INTS1: variants seen among roughly 807,000 people sequenced by gnomAD.
INTS1 encodes integrator complex subunit 1.
INTS1 carries 137 observed loss-of-function variants against 241.6 expected under a neutral mutation model. The ratio of observed to expected loss-of-function variants is 0.57; its 90% CI spans 0.49 to 0.65. The LOEUF (loss-of-function observed/expected upper bound fraction) is 0.65, where lower values mean the gene tolerates loss of function less well. Among genes scored for constraint, INTS1 ranks in the 30% least tolerant of loss-of-function variants. The pLI is 0.00. For missense variants in INTS1, 3,073 were observed against 3,032.2 expected, an observed-to-expected ratio of 1.01 and a Z score of -0.32; for synonymous variants, 1,692 against 1,337.8, an observed-to-expected ratio of 1.26 and a Z score of -5.78.
In INTS1 at chr7:1,481,040, C is replaced by A; in HGVS notation, c.3851-107G>T. ...GGAGATGCCCCCACCGTCACCAGCA[C>A]TTCCCAAGGACTTCAGAAGCTGGGT... On this transcript the variant is annotated intron_variant, in intron 28 of 47. Transcript: ENST00000404767. This position sits in a 1 kb window ranked among gnomAD's most constrained non-coding sequence, Gnocchi z 6.8. 1 of 822,780 alleles carries A rather than the reference C, an allele frequency of 1.2e-6. No homozygotes were observed. Among genetic ancestry groups the A allele is most frequent in the East Asian group, 2.6e-5 (1 of 37,758 alleles). The allele number at this position is 822,780 out of a possible 1,614,324, so 51.0% of individuals were successfully genotyped here.
intron 24 of INTS1, among the ~76,000 whole-genome samples, chr7:1,484,586 C>T (rs1310359615): frequency 1.3e-5 from 2 of 151,990 alleles, no homozygotes; most frequent in East Asian, 1.9e-4. Context: ...TGGGAGTCAG[C>T]GCCACACATG....
rs1212247452 is a variant in INTS1 at position 1,497,706 on chromosome 7, G to A, written c.1426-392C>T. On this transcript the variant is annotated intron_variant, in intron 10 of 47. Transcript: ENST00000404767. The surrounding 1 kb of genome is among the most constrained non-coding windows in gnomAD (Gnocchi z 5.3). ...AAAGGATCTGAAAGGACGCACTCCT[G>A]TCTCAAAATGCCAGGCCGCGAAGAC... is the stretch of plus-strand genomic sequence containing the variant. 6.6e-6 allele frequency among the ~76,000 whole-genome samples: 1 copy of A among 152,206 alleles called. No individual in the cohort carries two copies. The highest frequency in any genetic ancestry group is 1.5e-5 in the Non-Finnish European group (1 of 68,022).
At chr7:1,482,458 C>G in intron 27 of INTS1, 88 bp downstream of exon 27, 1 of 1,364,652 alleles carries the variant, frequency 7.3e-7, no homozygotes, top group Non-Finnish European at 9.9e-7. Flanking sequence ...CTGCCACAGC[C>G]GGAGGCTGCC....
At chr7:1,502,132 G>A (rs907481281) in intron 3 of INTS1, among the ~76,000 whole-genome samples, 3 of 152,090 alleles carry the variant, frequency 2.0e-5, no homozygotes, top group African/African-American at 4.8e-5. Flanking sequence ...GAGGTGGCGC[G>A]GCTTGAACAG....
In INTS1 at chr7:1,471,578, A is replaced by C. The variant is rs201675191; in HGVS notation, c.6248T>G (p.Phe2083Cys). ...MSRRRPEILS[F>C]FSTNLQRLMS... The stretch of plus-strand genomic sequence containing the variant: ...CAGCCCCATCCAGCTCACCGAGAAG[A>C]AGCTCAGGATCTCGGGTCTCCGCCG... The change falls in exon 45 of 48, where the codon TTC becomes TGC. Residue 2083 changes from phenylalanine (F) to cysteine (C), a missense_variant. Physicochemically the swap from Phe to Cys is radical, Grantham distance 205. Transcript: ENST00000404767. 5.6e-4 allele frequency: 898 copies of C among 1,612,220 alleles called. 3 individuals carry two copies. The highest frequency in any genetic ancestry group is 3.8e-3 in the African/African-American group (288 of 75,036).
chr7:1,500,244 T>C lies in INTS1; in HGVS notation c.472A>G (p.Ser158Gly), dbSNP rs867319029. The C allele has an allele frequency of 7.5e-6, 12 of 1,605,338 alleles. No homozygotes were observed. Among genetic ancestry groups the C allele is most frequent in the African/African-American group, 5.3e-5 (4 of 74,778 alleles). The change falls in exon 4 of 48, where the codon AGC becomes GGC. Residue 158 changes from serine to glycine, a missense_variant. Transcript: ENST00000404767. ...QLKVTRAKPD[S>G]TLYLSLMYLA... ...TACATGAGGCTCAGGTAGAGGGTGCTGTCAGGCTTGGCGCGGGTGACCTTC... is the reference window on the plus strand; with the variant it reads ...TACATGAGGCTCAGGTAGAGGGTGCCGTCAGGCTTGGCGCGGGTGACCTTC...
At position 1,470,543 on chromosome 7, in the gene INTS1, G is replaced by T; in HGVS notation, c.*34C>A. 6.8e-7 allele frequency: 1 copy of T among 1,468,040 alleles called. No homozygotes were observed. Among genetic ancestry groups the T allele is most frequent in the Non-Finnish European group, 9.2e-7 (1 of 1,083,550 alleles). The allele number at this position is 1,468,040 out of a possible 1,614,324, so 90.9% of individuals were successfully genotyped here. ...TCGAGGATCCCCGGGGACGGGACGG[G>T]CCGGGGCTTGGAGGGGGGTCGGCTG... On this transcript the variant is annotated 3_prime_UTR_variant, in exon 48 of 48. Coordinates refer to ENST00000404767, the MANE Select transcript of INTS1 (RefSeq NM_001080453.3).
intron 18 of INTS1, 61 bp from the exon 19 acceptor site, chr7:1,488,018 C>A (rs1202889013): frequency 1.9e-6 from 3 of 1,562,868 alleles, no homozygotes; most frequent in Non-Finnish European, 1.8e-6. Flanking sequence ...TCCCAGTGGG[C>A]CACGCTCAGG....
Position 1,480,319 on chromosome 7 carries a change from G to A in INTS1, c.4072C>T (p.Gln1358Ter). The stretch of plus-strand genomic sequence containing the variant: ...CCCACATGCAGCAGCAACGCTACCT[G>A]GAGGAACATGCCAGCCAGGTCGTCC... ...PEDDLAGMFL[Q>*]IFPLSPDPRW... Residue 1358 changes from glutamine to a stop codon, truncating the protein, a stop_gained and splice_region_variant, in exon 30 of 48, where the codon CAG (glutamine) becomes TAG (stop). Coordinates refer to ENST00000404767, the MANE Select transcript of INTS1 (RefSeq NM_001080453.3). LOFTEE classifies it high-confidence loss of function. 4.4e-6 allele frequency: 7 copies of A among 1,606,864 alleles called. No homozygotes were observed. Among genetic ancestry groups the A allele is most frequent in the Non-Finnish European group, 5.9e-6 (7 of 1,176,948 alleles).
rs770264501 is a variant in INTS1 at position 1,476,372 on chromosome 7, C to A, written c.5235G>T (p.Thr1745=). The stretch of plus-strand genomic sequence containing the variant: ...CGGCTGTGTCCCCGTCCTGGCTCCG[C>A]GTCTCCGCCTCGGCCAGGATCAGCT... ...LVELILAEAE[T]RSQDGDTAAC... is the part of the protein sequence containing the mutation. Residue 1745 remains threonine, a synonymous_variant, in exon 38 of 48, where the codon ACG becomes ACT. Coordinates refer to ENST00000404767, the MANE Select transcript of INTS1 (RefSeq NM_001080453.3). 7.0e-6 allele frequency: 11 copies of A among 1,576,410 alleles called. No individual in the cohort carries two copies. The highest frequency in any genetic ancestry group is 8.6e-6 in the Non-Finnish European group (10 of 1,165,674).
chr7:1,470,313 C>A lies in INTS1; in HGVS notation c.*264G>T. On this transcript the variant is annotated 3_prime_UTR_variant, in exon 48 of 48. Coordinates refer to ENST00000404767, the MANE Select transcript of INTS1 (RefSeq NM_001080453.3). ...TCGTTTCATTCAAAACCAGCCCAGG[C>A]CATGCCCGGGGGGATCCGCCGCTCC... The A allele has an allele frequency of 2.2e-6, 1 of 458,256 alleles. No homozygotes were observed. The highest frequency in any genetic ancestry group is 3.9e-6 in the Non-Finnish European group (1 of 259,674). The allele number at this position is 458,256 out of a possible 1,614,324, so 28.4% of individuals were successfully genotyped here.
At chr7:1,487,256 G>A in intron 20 of INTS1, 64 bp downstream of exon 20, 2 of 1,538,564 alleles carry the variant, frequency 1.3e-6, no homozygotes, top group Non-Finnish European at 1.8e-6. Context: ...GGCCACCAAG[G>A]CCTCCGGAAG....
chr7:1,470,790 G>A lies in INTS1; in HGVS notation c.6457+56C>T, dbSNP rs534944777. Reference sequence around the variant, plus strand: ...TCCCAAGAGCCAGCCCTCGGGGGACGCACCTCCGGCCTCCCCGAGGGCTGC... The same window carrying A: ...TCCCAAGAGCCAGCCCTCGGGGGACACACCTCCGGCCTCCCCGAGGGCTGC... On this transcript the variant is annotated intron_variant, in intron 47 of 47. Transcript: ENST00000404767. 3.7e-4 allele frequency: 550 copies of A among 1,470,806 alleles called. 3 individuals carry two copies. In the African/African-American group the frequency reaches 5.7e-3, roughly 15 times the overall value. 91.1% of individuals were successfully genotyped at this position (1,470,806 alleles called of 1,614,324 possible).
rs749831858 is a variant in INTS1, at chr7:1,480,844, G to A, written c.3940C>T (p.Pro1314Ser). The change falls in exon 29 of 48, where the codon CCC becomes TCC. Residue 1314 changes from proline to serine, a missense_variant. Pro to Ser is a moderately conservative substitution (Grantham distance 74). Coordinates refer to ENST00000404767, the MANE Select transcript of INTS1 (RefSeq NM_001080453.3). ...CACCCCTCCCCAGTACCTCGGCGGG[G>A]CGGCAGGGAGGCTGTGAGCAAGGAG... is the stretch of plus-strand genomic sequence containing the variant. ...FHSLLTASLP[P>S]RRDSTEAPKP... 2.6e-5 allele frequency: 41 copies of A among 1,552,104 alleles called. No individual in the cohort carries two copies. Among genetic ancestry groups the A allele is most frequent in the Non-Finnish European group, 3.5e-5 (40 of 1,148,698 alleles).
At chr7:1,474,898 C>T in intron 39 of INTS1, 60 bp from the exon 40 acceptor site, 2 of 1,524,082 alleles carry the variant, frequency 1.3e-6, no homozygotes, top group Non-Finnish European at 1.8e-6. Context: ...CCCACCCACA[C>T]TCAGCCTGGC....
rs370002614 is a variant in INTS1, at chr7:1,499,494, C to T, written c.823G>A (p.Val275Ile). The T allele has an allele frequency of 4.6e-5, 73 of 1,602,752 alleles. No individual in the cohort carries two copies. In the African/African-American group the frequency reaches 5.0e-4, roughly 11 times the overall value. The change falls in exon 6 of 48, where the codon GTT becomes ATT. Residue 275 changes from valine (V) to isoleucine (I), a missense_variant. Transcript: ENST00000404767. ...TCACCTGCACCCAGGTCGCCCGCAA[C>T]GCGGCCCGCCTCCCCCTGCAGCAGC... ...SVLLQGEAGR[V>I]AGDLGAGSSP... is the part of the protein sequence containing the mutation.
intron 2 of INTS1, among the ~76,000 whole-genome samples, chr7:1,503,436 C>T (rs928026283): frequency 6.6e-6 from 1 of 152,162 alleles, no homozygotes; most frequent in Non-Finnish European, 1.5e-5. Flanking sequence ...AATTAGTGTG[C>T]TTAGTAACCC....
chr7:1,470,387 C>T lies in INTS1; in HGVS notation c.*190G>A, dbSNP rs1410918734. ...GTGAATGAGGGCTTGCTGGACGGCC[C>T]CTGATGCCAGCGGCCGGCCCGGAGC... is the stretch of plus-strand genomic sequence containing the variant. On this transcript the variant is annotated 3_prime_UTR_variant, in exon 48 of 48. Coordinates refer to ENST00000404767, the MANE Select transcript of INTS1 (RefSeq NM_001080453.3). 1.3e-5 allele frequency: 7 copies of T among 526,012 alleles called. No homozygotes were observed. The highest frequency in any genetic ancestry group is 2.3e-5 in the Non-Finnish European group (7 of 300,110). The allele number at this position is 526,012 out of a possible 1,614,324, so 32.6% of individuals were successfully genotyped here. A position where few individuals can be genotyped will look rare whatever the true frequency, so the allele number is the denominator to read the frequency against.
At chr7:1,498,212 G>T in intron 10 of INTS1, 200 bp downstream of exon 10, 1 of 744,614 alleles carries the variant, frequency 1.3e-6, no homozygotes, top group Non-Finnish European at 2.1e-6. Flanking sequence ...TGAGAAAGAC[G>T]CTGGGCGCTG....
Sources: gnomAD v4.1 joint callset for allele counts (sites outside exome capture counted in the v4.1 genomes callset) on GRCh38, gnomAD v4.1.1 for gene constraint, Gnocchi (gnomAD v3.1) non-coding constraint, MANE v1.5 for transcripts, NCBI Gene and HGNC (gene_info 2026-07-23, HGNC 2026-07-21) for gene names.